Variants in DDAH1 observed in about 807,000 individuals in gnomAD.
DDAH1 encodes dimethylarginine dimethylaminohydrolase 1, also known as N(G),N(G)-dimethylarginine dimethylaminohydrolase 1.
DDAH1 carries 19 observed loss-of-function variants against 28.8 expected under a neutral mutation model. That is an observed-to-expected ratio of 0.66 (90% CI 0.46 to 0.97). DDAH1 has a LOEUF of 0.97. Ranked by LOEUF, DDAH1 falls within the 50% of genes least tolerant of loss-of-function variation. DDAH1 has a pLI of 0.00. For synonymous variants in DDAH1, 153 were observed against 154.4 expected, an observed-to-expected ratio of 0.99 and a Z score of 0.07; for missense variants, 326 against 375.9, an observed-to-expected ratio of 0.87 and a Z score of 1.10.
intron 1 of DDAH1, among the ~76,000 whole-genome samples, chr1:85,396,733 G>A (rs879523096): frequency 7.2e-5 from 11 of 152,200 alleles, no homozygotes; most frequent in East Asian, 1.9e-4. Flanking sequence ...GTATAGATAC[G>A]ATATTAAAAT....
At chr1:85,396,732 C>T (rs149127823) in intron 1 of DDAH1, among the ~76,000 whole-genome samples, 4 of 152,070 alleles carry the variant, frequency 2.6e-5, no homozygotes, top group Admixed American at 1.3e-4. Context: ...TGTATAGATA[C>T]GATATTAAAA....
chr1:85,431,156 G>T (rs574754367), intron 1 of DDAH1, among the ~76,000 whole-genome samples: 39 of 152,174 alleles, frequency 2.6e-4, no homozygotes, highest in Non-Finnish European at 5.0e-4. Flanking sequence ...TAATCATGTG[G>T]TTTTTGTCAT....
chr1:85,424,754 AT>A (rs970368999), intron 1 of DDAH1, among the ~76,000 whole-genome samples: 13 of 151,994 alleles, frequency 8.6e-5, no homozygotes, highest in Admixed American at 2.6e-4. Flanking sequence ...ATTAAATTTA[AT>A]TTTTTTTAAT....
rs1652478018 is a variant in DDAH1 at position 85,407,846 on chromosome 1, A to C, written c.304-48999T>G. Among the ~76,000 whole-genome samples the C allele has an allele frequency of 2.0e-5, 3 of 152,200 alleles. No homozygotes were observed. The South Asian group carries it at 6.2e-4, about 31-fold the overall frequency. On this transcript the variant is annotated intron_variant, in intron 1 of 5. Coordinates refer to ENST00000284031, the MANE Select transcript of DDAH1 (RefSeq NM_012137.4). ...AAGATTATATATACCAGGACATCCTAGCTTATATTTATATAAAATTCAAAA... is the reference window on the plus strand; with the variant it reads ...AAGATTATATATACCAGGACATCCTCGCTTATATTTATATAAAATTCAAAA...
chr1:85,444,260 C>G (rs1462942829), intron 1 of DDAH1, among the ~76,000 whole-genome samples: 3 of 152,132 alleles, frequency 2.0e-5, no homozygotes, highest in Non-Finnish European at 4.4e-5. Flanking sequence ...TTTTCTGCAT[C>G]TATTGAGATA....
intron 1 of DDAH1, among the ~76,000 whole-genome samples, chr1:85,390,755 T>A (rs1204902436): frequency 2.0e-5 from 3 of 152,156 alleles, no homozygotes; most frequent in Non-Finnish European, 4.4e-5. Context: ...AAATCCAACA[T>A]AAAAATGGGA....
intron 1 of DDAH1, chr1:85,447,716 G>C (rs1654498015): frequency 6.6e-6 from 1 of 152,210 alleles, no homozygotes; most frequent in African/African-American, 2.4e-5. Context: ...ACCAGGAATT[G>C]TAAGTTTAGT....
At chr1:85,569,246 C>T (rs1173885480) in intron 1 of DDAH1, among the ~76,000 whole-genome samples, 1 of 152,154 alleles carries the variant, frequency 6.6e-6, no homozygotes, top group Admixed American at 6.5e-5. Flanking sequence ...TTCCAGTCTA[C>T]AGTAAAAGTT....
At chr1:85,455,673 A>C (rs1052319704) in intron 1 of DDAH1, among the ~76,000 whole-genome samples, 4 of 152,224 alleles carry the variant, frequency 2.6e-5, no homozygotes, top group African/African-American at 7.2e-5. Context: ...ACTGGTTCAC[A>C]TTCACCACAC....
At chr1:85,505,282 A>G (rs956157990) in intron 1 of DDAH1, among the ~76,000 whole-genome samples, 3 of 152,020 alleles carry the variant, frequency 2.0e-5, no homozygotes, top group Admixed American at 6.6e-5. Context: ...TTTTCTTAAT[A>G]TCATAATTAT....
chr1:85,525,559 A>G lies in DDAH1; in HGVS notation c.-122-29278T>C, dbSNP rs535711126. On this transcript the variant is annotated intron_variant, in intron 1 of 6. Transcript: ENST00000426972. ...AATTATTGTATTGTACAACTGAAAG[A>G]ATGATATTCACACACACACACACAC... Among the ~76,000 whole-genome samples, 17 of 111,822 alleles carry G rather than the reference A, an allele frequency of 1.5e-4. No homozygotes were observed. The South Asian group carries it at 5.3e-3, about 35-fold the overall frequency. 73.4% of individuals were successfully genotyped at this position (111,822 alleles called of 152,430 possible).
rs1240365100 is a variant in DDAH1, at chr1:85,464,662, G to T, written c.303+81C>A. The stretch of plus-strand genomic sequence containing the variant: ...CTACTAGCCCGAGGGCCAATGGCGC[G>T]ACTCCCCAGGCAACACGGCGGCCGG... On this transcript the variant is annotated intron_variant, in intron 1 of 5. Transcript: ENST00000284031. This position sits in a 1 kb window ranked among gnomAD's most constrained non-coding sequence, Gnocchi z 4.4. The T allele has an allele frequency of 6.8e-7, 1 of 1,460,504 alleles. No homozygotes were observed. Among genetic ancestry groups the T allele is most frequent in the South Asian group, 1.4e-5 (1 of 73,228 alleles). 90.5% of individuals were successfully genotyped at this position (1,460,504 alleles called of 1,614,324 possible).
At chr1:85,415,743 C>T (rs1035012604) in intron 1 of DDAH1, among the ~76,000 whole-genome samples, 5 of 152,078 alleles carry the variant, frequency 3.3e-5, no homozygotes, top group Non-Finnish European at 4.4e-5. Context: ...AAAACTCAGA[C>T]GAGTAGTTAC....
At chr1:85,405,717 C>A (rs1487219303) in intron 1 of DDAH1, among the ~76,000 whole-genome samples, 1 of 152,004 alleles carries the variant, frequency 6.6e-6, no homozygotes, top group African/African-American at 2.4e-5. Context: ...AAGGTGGAAT[C>A]CTCTATGAAA....
intron 2 of DDAH1, among the ~76,000 whole-genome samples, chr1:85,480,728 A>G (rs1183676827): frequency 6.6e-6 from 1 of 152,208 alleles, no homozygotes; most frequent in Non-Finnish European, 1.5e-5. Flanking sequence ...TGGGCGATAG[A>G]GCAAGACTCT....
chr1:85,512,218 C>A (rs1457495999), intron 1 of DDAH1, among the ~76,000 whole-genome samples: 2 of 152,168 alleles, frequency 1.3e-5, no homozygotes, highest in Non-Finnish European at 2.9e-5. Context: ...TAAACATAAT[C>A]CATCACATAA....
At chr1:85,331,425 A>ATG (rs1553122414) in intron 4 of DDAH1, among the ~76,000 whole-genome samples, 32 of 148,992 alleles carry the variant, frequency 2.1e-4, no homozygotes, top group South Asian at 8.5e-4. Context: ...TCATATATGT[A>ATG]TATATATATA....
chr1:85,507,015 C>A (rs1407633897), intron 1 of DDAH1, among the ~76,000 whole-genome samples: 1 of 152,098 alleles, frequency 6.6e-6, no homozygotes, highest in Non-Finnish European at 1.5e-5. Context: ...CATGAAACAT[C>A]TAGAAAATTG....
At chr1:85,520,714 G>A (rs1361812736) in intron 1 of DDAH1, among the ~76,000 whole-genome samples, 1 of 152,208 alleles carries the variant, frequency 6.6e-6, no homozygotes, top group Admixed American at 6.5e-5. Context: ...ACAAAGAAGG[G>A]ACCTCATTAC....
Sources: allele counts gnomAD v4.1 joint callset (sites outside exome capture counted in the v4.1 genomes callset), GRCh38; gene constraint gnomAD v4.1.1; non-coding constraint Gnocchi (gnomAD v3.1); transcripts MANE v1.5; gene names NCBI Gene and HGNC (gene_info 2026-07-23, HGNC 2026-07-21).